TJP1: variants seen among roughly 807,000 people sequenced by gnomAD.
TJP1 encodes tight junction protein 1, also known as tight junction protein ZO-1.
In TJP1, 43 loss-of-function variants were observed where a neutral mutation model predicts 194.2. The observed-to-expected ratio is 0.22, with a 90% CI of 0.17 to 0.29. TJP1 has a LOEUF of 0.29. TJP1 is among the 10% of genes least tolerant of loss of function. The probability of loss-of-function intolerance (pLI) is 1.00; values close to 1 mark genes in which losing one functional copy is unlikely to be tolerated. For synonymous variants in TJP1, 801 were observed against 779.0 expected (o/e 1.03, Z -0.47); for missense variants, 1,971 against 2,185.7 (o/e 0.90, Z 1.96).
At chr15:29,844,105 C>T (rs1037380194) in intron 2 of TJP1, among the ~76,000 whole-genome samples, 7 of 152,124 alleles carry the variant, frequency 4.6e-5, no homozygotes, top group Admixed American at 1.3e-4. Context: ...AGCCTTGAGA[C>T]GGAGTCTCCC....
chr15:29,881,429 T>C (rs528297715), intron 2 of TJP1, among the ~76,000 whole-genome samples: 56 of 152,244 alleles, frequency 3.7e-4, no homozygotes, highest in Non-Finnish European at 7.6e-4. Context: ...TTTCCTTTGT[T>C]GATGTGTCCC....
At chr15:29,748,953 T>TGTGTGTGC (rs768387529) in intron 8 of TJP1, among the ~76,000 whole-genome samples, 8 of 32,258 alleles carry the variant, frequency 2.5e-4, no homozygotes, top group South Asian at 8.9e-4. Flanking sequence ...TGTGTGTGTG[T>TGTGTGTGC]GCGCGTGTGT....
At chr15:29,870,035 C>T (rs2152116506) in intron 2 of TJP1, among the ~76,000 whole-genome samples, 1 of 151,962 alleles carries the variant, frequency 6.6e-6, no homozygotes, top group East Asian at 1.9e-4. Flanking sequence ...CCATGTTGGC[C>T]AGACTGGTCT....
chr15:29,726,371 T>G lies in TJP1; in HGVS notation c.2412+8A>C. 2 of 1,609,974 alleles carry G rather than the reference T, an allele frequency of 1.2e-6. No homozygotes were observed. Among genetic ancestry groups the G allele is most frequent in the Non-Finnish European group, 1.7e-6 (2 of 1,176,368 alleles). On this transcript the variant is annotated splice_region_variant and intron_variant, in intron 18 of 27. Transcript: ENST00000614355. ...AACAAGTCAAAAAAGTAATAGGAAA[T>G]GTCTTACCTTTCCCTCGGAAACCCA...
chr15:29,928,665 C>A (rs571953831), intron 2 of TJP1, among the ~76,000 whole-genome samples: 1 of 152,072 alleles, frequency 6.6e-6, no homozygotes, highest in African/African-American at 2.4e-5. Context: ...ACTTGTCGGC[C>A]GGGCACGGTG....
intron 2 of TJP1, among the ~76,000 whole-genome samples, chr15:29,777,144 T>C (rs1364981193): frequency 6.6e-6 from 1 of 152,190 alleles, no homozygotes; most frequent in Non-Finnish European, 1.5e-5. Context: ...AAAACGTGTG[T>C]ATTCAAGGGT....
chr15:29,762,196 G>A, intron 6 of TJP1, 139 bp downstream of exon 6: 1 of 631,018 alleles, frequency 1.6e-6, no homozygotes, highest in Non-Finnish European at 2.7e-6. Context: ...TGCATAAAGG[G>A]AATTTATATC....
At chr15:29,705,784 A>G in intron 25 of TJP1, 39 bp from the exon 26 acceptor site, 1 of 1,576,404 alleles carries the variant, frequency 6.3e-7, no homozygotes, top group Non-Finnish European at 8.7e-7. Flanking sequence ...AATTCCTAAT[A>G]ATACACAGGT....
chr15:29,847,678 G>A (rs1005342076), intron 2 of TJP1, among the ~76,000 whole-genome samples: 3 of 152,070 alleles, frequency 2.0e-5, no homozygotes, highest in South Asian at 2.1e-4. Flanking sequence ...CCAGCTGCTC[G>A]GGAGGCTGAG....
chr15:29,903,980 G>C (rs1408989903), intron 2 of TJP1, among the ~76,000 whole-genome samples: 1 of 152,140 alleles, frequency 6.6e-6, no homozygotes, highest in Admixed American at 6.5e-5. Context: ...AGTGCCTGGA[G>C]GCAGCCCCAT....
Position 29,726,234 on chromosome 15 carries a change from A to G in TJP1, c.2412+145T>C, listed in dbSNP as rs987650456. 8.5e-6 allele frequency: 6 copies of G among 707,616 alleles called. No homozygotes were observed. In the Admixed American group the frequency reaches 8.6e-5, roughly 10 times the overall value. 43.8% of individuals were successfully genotyped at this position (707,616 alleles called of 1,614,324 possible). On this transcript the variant is annotated intron_variant, in intron 18 of 27. Coordinates refer to ENST00000614355, the MANE Select transcript of TJP1 (RefSeq NM_001330239.4). ...GAAACAACTTTCATAACCCCTACAC[A>G]CAAATTATAAAAACCTAAAAGCTAA...
intron 26 of TJP1, 22 bp from the exon 27 acceptor site, chr15:29,704,327 G>A (rs916383639): frequency 5.1e-6 from 8 of 1,571,264 alleles, no homozygotes; most frequent in African/African-American, 2.7e-5. Flanking sequence ...AAAGGGGATA[G>A]GCAGAGAGGA....
chr15:29,739,029 G>A (rs2044222364), intron 10 of TJP1, among the ~76,000 whole-genome samples: 1 of 152,100 alleles, frequency 6.6e-6, no homozygotes, highest in Non-Finnish European at 1.5e-5. Context: ...GGGTGACAGA[G>A]TGAGGCCCTG....
At chr15:29,875,949 G>A (rs1335504718) in intron 2 of TJP1, among the ~76,000 whole-genome samples, 1 of 152,168 alleles carries the variant, frequency 6.6e-6, no homozygotes, top group African/African-American at 2.4e-5. Context: ...TGTTACTTAA[G>A]TCAAAACTCT....
upstream of TJP1, among the ~76,000 whole-genome samples, chr15:29,827,184 C>T (rs866486258): frequency 6.6e-6 from 1 of 152,192 alleles, no homozygotes; most frequent in South Asian, 2.1e-4. Context: ...TGGCCCAGCC[C>T]GGATTCCAGA....
chr15:29,709,045 CA>C lies in TJP1; in HGVS notation c.4373-10del. 6.3e-7 allele frequency: 1 copy of C among 1,595,478 alleles called. No homozygotes were observed. The highest frequency in any genetic ancestry group is 1.4e-5 in the African/African-American group (1 of 73,934). On this transcript the variant is annotated splice_polypyrimidine_tract_variant and intron_variant, in intron 24 of 27. Coordinates refer to ENST00000614355, the MANE Select transcript of TJP1 (RefSeq NM_001330239.4). ...CAATGACACTGAATTACCTGAAAAACAAACGTAAGCATTTAAATAACTTTCT... is the reference window on the plus strand; with the variant it reads ...CAATGACACTGAATTACCTGAAAAACAACGTAAGCATTTAAATAACTTTCT...
chr15:29,903,530 T>C (rs1022861723), intron 2 of TJP1, among the ~76,000 whole-genome samples: 13 of 152,078 alleles, frequency 8.5e-5, no homozygotes, highest in South Asian at 6.3e-4. Flanking sequence ...CTGCAACCTC[T>C]GCCTCCCGGG....
At chr15:29,707,731 C>T (rs2041987515) in intron 25 of TJP1, among the ~76,000 whole-genome samples, 1 of 152,242 alleles carries the variant, frequency 6.6e-6, no homozygotes, top group South Asian at 2.1e-4. Context: ...TTTGCTCAGC[C>T]ATCTCACTAA....
intron 2 of TJP1, among the ~76,000 whole-genome samples, chr15:29,945,774 TAAACACACAC>T (rs1302763916): frequency 8.3e-6 from 1 of 120,930 alleles, no homozygotes; most frequent in East Asian, 4.4e-4. Context: ...TTAAGGCTAT[TAAACACACAC>T]ACACACACAC....
Sources: gnomAD v4.1 joint callset for allele counts (sites outside exome capture counted in the v4.1 genomes callset) on GRCh38, gnomAD v4.1.1 for gene constraint, MANE v1.5 for transcripts, NCBI Gene and HGNC (gene_info 2026-07-23, HGNC 2026-07-21) for gene names.